MRPS27: variants seen among roughly 807,000 people sequenced by gnomAD.
The protein encoded by MRPS27 is small ribosomal subunit protein mS27.
In MRPS27, 43 loss-of-function variants were observed where a neutral mutation model predicts 48.9. The observed-to-expected ratio is 0.88, with a 90% CI of 0.69 to 1.13. The LOEUF is 1.13. Among genes scored for constraint, MRPS27 ranks in the 50% most tolerant of loss-of-function variants. The pLI is 0.00. For missense variants in MRPS27, 467 were observed against 476.3 expected (o/e 0.98, Z 0.18); for synonymous variants, 188 against 171.9 (o/e 1.09, Z -0.73).
chr5:72,274,152 G>C (rs540328678), intron 4 of MRPS27, among the ~76,000 whole-genome samples: 1 of 152,064 alleles, frequency 6.6e-6, no homozygotes, highest in Non-Finnish European at 1.5e-5. Flanking sequence ...TCAGGAGTTC[G>C]AGACCAGTCT....
In MRPS27 at chr5:72,226,119, C is replaced by T. The variant is rs1435169304; in HGVS notation, c.775G>A (p.Ala259Thr). Residue 259 changes from alanine to threonine, a missense_variant, in exon 9 of 11, where the codon GCC becomes ACC. Transcript: ENST00000261413. ...GCCACTTTCTCCATCACTTGAAGGG[C>T]TCTGTCAAGGTAGCCTGGTTTCCAT... is the stretch of plus-strand genomic sequence containing the variant. ...LIWKPGYLDR[A>T]LQVMEKVAAS... is the part of the protein sequence containing the mutation. 16 of 1,613,702 alleles carry T rather than the reference C, an allele frequency of 9.9e-6. No individual in the cohort carries two copies. The highest frequency in any genetic ancestry group is 2.2e-5 in the East Asian group (1 of 44,860).
chr5:72,282,042 C>G (rs1022009730), intron 4 of MRPS27, among the ~76,000 whole-genome samples: 1 of 152,030 alleles, frequency 6.6e-6, no homozygotes, highest in African/African-American at 2.4e-5. Flanking sequence ...ATCAGCATTG[C>G]TATTAAAAAA....
chr5:72,260,186 T>C (rs1039625018), intron 4 of MRPS27, among the ~76,000 whole-genome samples: 7 of 152,250 alleles, frequency 4.6e-5, no homozygotes, highest in Admixed American at 1.3e-4. Context: ...TGGATAAATA[T>C]GCTTTACTAA....
At chr5:72,300,106 C>T (rs1042663603) in intron 2 of MRPS27, among the ~76,000 whole-genome samples, 1 of 152,230 alleles carries the variant, frequency 6.6e-6, no homozygotes, top group African/African-American at 2.4e-5. Flanking sequence ...AGCTCCCAGT[C>T]TTCAACACAT....
At chr5:72,297,409 G>A (rs747832834) in intron 3 of MRPS27, among the ~76,000 whole-genome samples, 1 of 152,100 alleles carries the variant, frequency 6.6e-6, no homozygotes, top group Non-Finnish European at 1.5e-5. Flanking sequence ...ACACAAAACT[G>A]ATTACTGATA....
At chr5:72,319,537 C>CTTTTTT (rs35020848) in intron 1 of MRPS27, among the ~76,000 whole-genome samples, 3 of 84,202 alleles carry the variant, frequency 3.6e-5, no homozygotes, top group African/African-American at 5.1e-5. Flanking sequence ...TAGGTTTTTC[C>CTTTTTT]TTTTTTTTTT....
intron 4 of MRPS27, among the ~76,000 whole-genome samples, chr5:72,292,374 T>C (rs542317667): frequency 6.6e-6 from 1 of 152,156 alleles, no homozygotes; most frequent in Non-Finnish European, 1.5e-5. Context: ...TCCCAGAGAA[T>C]AGACCACGGC....
chr5:72,251,059 G>C (rs1234299942), intron 4 of MRPS27, among the ~76,000 whole-genome samples: 2 of 152,206 alleles, frequency 1.3e-5, no homozygotes, highest in Non-Finnish European at 2.9e-5. Flanking sequence ...CAGACAACTT[G>C]GACAGAGCAG....
At chr5:72,221,865 C>T (rs1747751746) in intron 10 of MRPS27, among the ~76,000 whole-genome samples, 1 of 152,216 alleles carries the variant, frequency 6.6e-6, no homozygotes, top group African/African-American at 2.4e-5. Flanking sequence ...TCTGAAATGG[C>T]ACCTTGGTTT....
intron 2 of MRPS27, among the ~76,000 whole-genome samples, chr5:72,297,982 C>T (rs1032520977): frequency 5.3e-5 from 8 of 152,064 alleles, no homozygotes; most frequent in Non-Finnish European, 8.8e-5. Flanking sequence ...TTCTGGACAT[C>T]GGCCTTCAGA....
Position 72,223,678 on chromosome 5 carries a change from T to C in MRPS27, c.1005+5A>G. The C allele has an allele frequency of 1.2e-6, 2 of 1,613,952 alleles. No individual in the cohort carries two copies. Among genetic ancestry groups the C allele is most frequent in the Non-Finnish European group, 1.7e-6 (2 of 1,179,848 alleles). ...CTAAGAGAGACACGTTCTGCTATGA[T>C]TCACCTTAAATCGTTCCAGGTATTG... On this transcript the variant is annotated splice_donor_5th_base_variant and intron_variant, in intron 10 of 10. Coordinates refer to ENST00000261413, the MANE Select transcript of MRPS27 (RefSeq NM_015084.3).
chr5:72,290,938 A>T (rs1013345799), intron 4 of MRPS27, among the ~76,000 whole-genome samples: 1 of 152,188 alleles, frequency 6.6e-6, no homozygotes, highest in African/African-American at 2.4e-5. Context: ...GGGAAAGAGC[A>T]TGACTTCTTA....
At position 72,296,051 on chromosome 5, in the gene MRPS27, G is replaced by A. The variant is rs575005394; in HGVS notation, c.223-462C>T. On this transcript the variant is annotated intron_variant, in intron 3 of 10. Coordinates refer to ENST00000261413, the MANE Select transcript of MRPS27 (RefSeq NM_015084.3). ...AATTTAGAGAACTCAGTCTTGCAACGATTTTTTCTACTTTGATTTAGCTCT... is the reference window on the plus strand; with the variant it reads ...AATTTAGAGAACTCAGTCTTGCAACAATTTTTTCTACTTTGATTTAGCTCT... Among the ~76,000 whole-genome samples, 7 of 152,198 alleles carry A rather than the reference G, an allele frequency of 4.6e-5. No homozygotes were observed. In the South Asian group the frequency reaches 6.2e-4, roughly 14 times the overall value.
At chr5:72,221,871 G>A (rs1381991210) in intron 10 of MRPS27, among the ~76,000 whole-genome samples, 1 of 150,854 alleles carries the variant, frequency 6.6e-6, no homozygotes, top group Non-Finnish European at 1.5e-5. Context: ...ATGGCACCTT[G>A]GTTTGGTTGG....
chr5:72,289,200 G>A (rs148705266), intron 4 of MRPS27, among the ~76,000 whole-genome samples: 4 of 152,258 alleles, frequency 2.6e-5, no homozygotes, highest in Admixed American at 1.3e-4. Context: ...TGAGACCCAC[G>A]TACAGCATGG....
chr5:72,299,241 A>AT (rs753974244), intron 2 of MRPS27, among the ~76,000 whole-genome samples: 1 of 151,844 alleles, frequency 6.6e-6, no homozygotes, highest in Non-Finnish European at 1.5e-5. Context: ...AAACCTGCAC[A>AT]TGTACTCCCT....
chr5:72,283,727 C>T (rs1284487979), intron 4 of MRPS27, among the ~76,000 whole-genome samples: 8 of 151,684 alleles, frequency 5.3e-5, no homozygotes, highest in African/African-American at 1.7e-4. Flanking sequence ...GAAATGTGTA[C>T]GTACAAAAAA....
intron 2 of MRPS27, among the ~76,000 whole-genome samples, chr5:72,304,736 T>G (rs1008281072): frequency 6.6e-6 from 1 of 152,188 alleles, no homozygotes; most frequent in African/African-American, 2.4e-5. Context: ...GGGGCAAAGT[T>G]GTGATAATGA....
At chr5:72,295,613 T>C in intron 3 of MRPS27, 24 bp from the exon 4 acceptor site, 3 of 1,569,734 alleles carry the variant, frequency 1.9e-6, no homozygotes, top group Non-Finnish European at 2.6e-6. Context: ...AAAGAAACCT[T>C]TGGTTGAATA....
Sources: allele counts gnomAD v4.1 joint callset (sites outside exome capture counted in the v4.1 genomes callset), GRCh38; gene constraint gnomAD v4.1.1; transcripts MANE v1.5; gene names NCBI Gene and HGNC (gene_info 2026-07-23, HGNC 2026-07-21).